The following PLXNA2 variants were observed in gnomAD, a reference collection of about 807,000 sequenced individuals.
PLXNA2 encodes plexin-A2.
A neutral mutation model predicts 193.5 loss-of-function variants in PLXNA2; 91 were observed. The ratio of observed to expected loss-of-function variants is 0.47; its 90% CI spans 0.40 to 0.56. The LOEUF is 0.56. PLXNA2 is among the 20% of genes least tolerant of loss of function. The pLI, the probability that PLXNA2 is intolerant of heterozygous loss-of-function variation, is 0.00. For synonymous variants in PLXNA2, 997 were observed against 1,027.3 expected (o/e 0.97, Z 0.56); for missense variants, 1,995 against 2,503.2 (o/e 0.80, Z 4.33).
chr1:208,172,766 A>G (rs917581467), intron 3 of PLXNA2, among the ~76,000 whole-genome samples: 2 of 152,194 alleles, frequency 1.3e-5, no homozygotes, highest in African/African-American at 4.8e-5. Flanking sequence ...AGGAGCCTGC[A>G]CAAAGCTGTT....
At chr1:208,035,210 A>G (rs1366699679) in intron 26 of PLXNA2, among the ~76,000 whole-genome samples, 1 of 152,188 alleles carries the variant, frequency 6.6e-6, no homozygotes, top group African/African-American at 2.4e-5. Flanking sequence ...GAGGCTAAGC[A>G]ACCTCTTAAA....
At chr1:208,039,499 C>T (rs776114777) in intron 24 of PLXNA2, 122 bp downstream of exon 24, 47 of 1,367,730 alleles carry the variant, frequency 3.4e-5, no homozygotes, top group Admixed American at 9.4e-5. Context: ...CCTTTGGGCT[C>T]ACCCCAGACC....
intron 13 of PLXNA2, among the ~76,000 whole-genome samples, chr1:208,057,605 C>T (rs1338652588): frequency 1.3e-5 from 2 of 152,152 alleles, no homozygotes; most frequent in Admixed American, 1.3e-4. Context: ...TGGTTGATTT[C>T]TTGTGGTTTG....
chr1:208,051,350 T>C lies in PLXNA2; in HGVS notation c.3067A>G (p.Ser1023Gly), dbSNP rs1271827211. ...CTATCCACATGGGCTCGGTCGACAC[T>C]CACAGAAACAGGGACCGGGCCAAGG... ...NGLGPVPVSV[S>G]VDRAHVDSNL... Residue 1023 changes from serine (S) to glycine (G), a missense_variant, in exon 16 of 32, where the codon AGT (serine) becomes GGT (glycine). Ser to Gly is a moderately conservative substitution (Grantham distance 56). Around this residue, in one of 3 missense-constraint regions of PLXNA2, gnomAD observed 1,291 missense variants for 1,673.6 expected, o/e 0.77. Coordinates refer to ENST00000367033, the MANE Select transcript of PLXNA2 (RefSeq NM_025179.4). 1 of 1,613,458 alleles carries C rather than the reference T, an allele frequency of 6.2e-7. No individual in the cohort carries two copies. Among genetic ancestry groups the C allele is most frequent in the South Asian group, 1.1e-5 (1 of 90,918 alleles).
chr1:208,051,626 C>T (rs981242869), intron 15 of PLXNA2, among the ~76,000 whole-genome samples: 9 of 152,088 alleles, frequency 5.9e-5, no homozygotes, highest in South Asian at 4.2e-4. Flanking sequence ...AAATTGGAGA[C>T]GGGGGTTTGA....
chr1:208,043,412 C>T (rs896000451), intron 20 of PLXNA2, among the ~76,000 whole-genome samples: 5 of 152,072 alleles, frequency 3.3e-5, no homozygotes, highest in African/African-American at 7.2e-5. Context: ...CTCCTCTATA[C>T]TTATCTATAA....
intron 3 of PLXNA2, among the ~76,000 whole-genome samples, chr1:208,183,838 A>C (rs796410287): frequency 6.6e-6 from 1 of 152,168 alleles, no homozygotes; most frequent in African/African-American, 2.4e-5. Flanking sequence ...TTAGGCTTTC[A>C]TGGTACCCTA....
chr1:208,191,677 A>G (rs927491814), intron 3 of PLXNA2, among the ~76,000 whole-genome samples: 1 of 152,218 alleles, frequency 6.6e-6, no homozygotes, highest in Non-Finnish European at 1.5e-5. Context: ...TGTCGCACAG[A>G]TATTAAGGGA....
rs577679306 is a variant in PLXNA2 at position 208,168,097 on chromosome 1, G to A, written c.1372-25634C>T. On this transcript the variant is annotated intron_variant, in intron 3 of 31. Transcript: ENST00000367033. ...GGCTGTGAAACCTTGGGCAAGTTCC[G>A]CAAGCTTCTAGGGCTTTCATCTACT... is the stretch of plus-strand genomic sequence containing the variant. Among the ~76,000 whole-genome samples, 32 of 152,286 alleles carry A rather than the reference G, an allele frequency of 2.1e-4. 1 individual carries two copies. The South Asian group carries it at 6.0e-3, about 29-fold the overall frequency.
intron 1 of PLXNA2, among the ~76,000 whole-genome samples, chr1:208,237,559 G>A (rs973883863): frequency 6.6e-6 from 1 of 152,192 alleles, no homozygotes; most frequent in African/African-American, 2.4e-5. Flanking sequence ...AAAATCCTCA[G>A]AGAAGAACGA....
chr1:208,095,865 A>T (rs932740500), intron 8 of PLXNA2, among the ~76,000 whole-genome samples, 164 bp downstream of exon 8: 2 of 152,180 alleles, frequency 1.3e-5, no homozygotes, highest in Non-Finnish European at 2.9e-5. Flanking sequence ...ATATGGTAGT[A>T]TTTATGTACA....
rs760128867 is a variant in PLXNA2, at chr1:208,045,215, A to G, written c.3496-5T>C. The G allele has an allele frequency of 9.3e-6, 15 of 1,613,412 alleles. No individual in the cohort carries two copies. The highest frequency in any genetic ancestry group is 1.3e-5 in the Non-Finnish European group (15 of 1,179,482). ...AGGAGGGCAGAGGTTTTTGCCCTGT[A>G]GAGAATAGCAGTCTTTATAGGCATA... On this transcript the variant is annotated splice_region_variant and splice_polypyrimidine_tract_variant and intron_variant, in intron 18 of 31. Coordinates refer to ENST00000367033, the MANE Select transcript of PLXNA2 (RefSeq NM_025179.4).
chr1:208,054,872 A>T (rs1665375966), intron 13 of PLXNA2, among the ~76,000 whole-genome samples: 1 of 152,240 alleles, frequency 6.6e-6, no homozygotes, highest in South Asian at 2.1e-4. Flanking sequence ...GAATTTATAG[A>T]ATAAAGGGAA....
chr1:208,098,253 A>C (rs1440398069), intron 6 of PLXNA2, among the ~76,000 whole-genome samples: 1 of 152,198 alleles, frequency 6.6e-6, no homozygotes, highest in East Asian at 1.9e-4. Context: ...TTAACTAATT[A>C]ACATTCGTGA....
chr1:208,177,756 G>A (rs1217247834), intron 3 of PLXNA2, among the ~76,000 whole-genome samples: 2 of 152,270 alleles, frequency 1.3e-5, no homozygotes, highest in African/African-American at 4.8e-5. Flanking sequence ...AGCAGCATCT[G>A]CCCCACCTAA....
intron 3 of PLXNA2, among the ~76,000 whole-genome samples, chr1:208,169,726 T>C (rs1185061627): frequency 2.0e-5 from 3 of 152,076 alleles, no homozygotes; most frequent in African/African-American, 4.8e-5. Flanking sequence ...GCAGACAAGA[T>C]AACCAATCTG....
chr1:208,182,089 A>G (rs2102548693), intron 3 of PLXNA2, among the ~76,000 whole-genome samples: 1 of 152,280 alleles, frequency 6.6e-6, no homozygotes, highest in South Asian at 2.1e-4. Context: ...ACTCAAGACA[A>G]AAGGAATCAA....
chr1:208,031,793 G>C (rs751120294), intron 28 of PLXNA2, 34 bp from the exon 29 acceptor site: 4 of 1,524,224 alleles, frequency 2.6e-6, no homozygotes, highest in Non-Finnish European at 3.6e-6. Flanking sequence ...AAGATGGAGG[G>C]GGGTGACGGC....
chr1:208,234,651 C>A (rs1671796945), intron 1 of PLXNA2, among the ~76,000 whole-genome samples: 1 of 152,214 alleles, frequency 6.6e-6, no homozygotes, highest in Non-Finnish European at 1.5e-5. Flanking sequence ...CCTGCTAACA[C>A]ACTCTGTGAT....
Sources: gnomAD v4.1 joint callset for allele counts (sites outside exome capture counted in the v4.1 genomes callset) on GRCh38, gnomAD v4.1.1 for gene constraint, gnomAD v4.1.1 regional missense constraint, MANE v1.5 for transcripts, NCBI Gene and HGNC (gene_info 2026-07-23, HGNC 2026-07-21) for gene names.